SLC16A12: variants seen among roughly 807,000 people sequenced by gnomAD.
SLC16A12 encodes the protein solute carrier family 16 member 12, also known as monocarboxylate transporter 12.
SLC16A12 carries 17 observed loss-of-function variants against 42.4 expected under a neutral mutation model. That is an observed-to-expected ratio of 0.40 (90% CI 0.27 to 0.60). SLC16A12 has a LOEUF of 0.60. Ranked by LOEUF, SLC16A12 falls within the 20% of genes least tolerant of loss-of-function variation. SLC16A12 has a pLI of 0.42. For missense variants in SLC16A12, 544 were observed against 623.0 expected (o/e 0.87, Z 1.35); for synonymous variants, 224 against 229.4 (o/e 0.98, Z 0.21).
At chr10:89,453,172 A>G (rs1842123625) in intron 3 of SLC16A12, among the ~76,000 whole-genome samples, 1 of 152,244 alleles carries the variant, frequency 6.6e-6, no homozygotes, top group Non-Finnish European at 1.5e-5. Context: ...TTGGAGTACT[A>G]AACAGTCACA....
At chr10:89,521,612 G>T (rs1457426602) in intron 2 of SLC16A12, among the ~76,000 whole-genome samples, 1 of 152,124 alleles carries the variant, frequency 6.6e-6, no homozygotes, top group Non-Finnish European at 1.5e-5. Context: ...TCATAACAAA[G>T]CTCCACATCT....
chr10:89,449,930 C>T (rs1419877858), intron 3 of SLC16A12, among the ~76,000 whole-genome samples: 33 of 152,108 alleles, frequency 2.2e-4, no homozygotes, highest in Non-Finnish European at 7.4e-5. Flanking sequence ...TCAAACAACC[C>T]CATCAAAAAG....
Position 89,534,888 on chromosome 10 carries a change from C to T in SLC16A12, c.-186-248G>A, listed in dbSNP as rs140045959. ...TGATGTGTGAAAACGGAAGACTAAC[C>T]AAATAGCCCCAGGACTTACTGAAAT... On this transcript the variant is annotated intron_variant, in intron 1 of 7. Coordinates refer to ENST00000371790, the MANE Select transcript of SLC16A12 (RefSeq NM_213606.4). 2.7e-3 allele frequency among the ~76,000 whole-genome samples: 417 copies of T among 152,002 alleles called. 2 individuals carry two copies. Among genetic ancestry groups the T allele is most frequent in the South Asian group, 9.6e-3 (46 of 4,806 alleles).
chr10:89,554,247 G>A (rs554511900), intron 2 of SLC16A12, among the ~76,000 whole-genome samples: 1 of 152,192 alleles, frequency 6.6e-6, no homozygotes, highest in African/African-American at 2.4e-5. Context: ...GCCTCAGAGA[G>A]TGCCTGCCTC....
upstream of SLC16A12, among the ~76,000 whole-genome samples, chr10:89,536,292 C>T (rs1843661179): frequency 6.6e-6 from 1 of 152,176 alleles, no homozygotes. Context: ...TCCCATTTCA[C>T]AGCACAGGAA....
At chr10:89,521,898 AGTGGTCTTTATTGTATGCC>A (rs1843364324) in intron 2 of SLC16A12, among the ~76,000 whole-genome samples, 1 of 152,224 alleles carries the variant, frequency 6.6e-6, no homozygotes, top group African/African-American at 2.4e-5. Flanking sequence ...GAGATCATCA[AGTGGTCTTTATTGTATGCC>A]GGAAACCAGC....
rs773763687 is a variant in SLC16A12 at position 89,508,373 on chromosome 10, C to T, written c.-47+26128G>A. Reference sequence around the variant, plus strand: ...GTAAAAGAACAGAAATCACAATAAACTGTTTCTCAGACCACAGTGCAATCA... The same window carrying T: ...GTAAAAGAACAGAAATCACAATAAATTGTTTCTCAGACCACAGTGCAATCA... On this transcript the variant is annotated intron_variant, in intron 2 of 7. Coordinates refer to ENST00000371790, the MANE Select transcript of SLC16A12 (RefSeq NM_213606.4). 1.1e-4 allele frequency among the ~76,000 whole-genome samples: 17 copies of T among 152,342 alleles called. No homozygotes were observed. In the South Asian group the frequency reaches 2.7e-3, roughly 24 times the overall value.
chr10:89,491,122 C>A (rs1050319168), intron 2 of SLC16A12, among the ~76,000 whole-genome samples: 3 of 152,238 alleles, frequency 2.0e-5, no homozygotes, highest in South Asian at 2.1e-4. Flanking sequence ...ACCACCCCCA[C>A]TCTCCATGAG....
intron 2 of SLC16A12, among the ~76,000 whole-genome samples, chr10:89,498,097 T>G (rs11185731): frequency 1.3e-5 from 2 of 152,066 alleles, no homozygotes; most frequent in African/African-American, 4.8e-5. Context: ...AGCCCACAAG[T>G]TCAAGACTAG....
chr10:89,504,927 G>A (rs549013381), intron 2 of SLC16A12, among the ~76,000 whole-genome samples: 23 of 152,264 alleles, frequency 1.5e-4, no homozygotes, highest in Admixed American at 2.6e-4. Context: ...TACAGAGTGT[G>A]CCAGGGAGCA....
At chr10:89,547,128 G>A (rs573592812) in intron 2 of SLC16A12, among the ~76,000 whole-genome samples, 5 of 152,162 alleles carry the variant, frequency 3.3e-5, no homozygotes, top group African/African-American at 7.2e-5. Context: ...AAACCTGTAC[G>A]TTCTGCACAT....
At chr10:89,499,988 T>C (rs576823871) in intron 2 of SLC16A12, among the ~76,000 whole-genome samples, 158 of 152,008 alleles carry the variant, frequency 1.0e-3, no homozygotes, top group African/African-American at 3.4e-3. Flanking sequence ...ACTACAGAAA[T>C]ACAAAAGATC....
chr10:89,502,725 G>A (rs373923454), intron 2 of SLC16A12, among the ~76,000 whole-genome samples: 4 of 152,300 alleles, frequency 2.6e-5, no homozygotes, highest in East Asian at 1.9e-4. Context: ...CTTCCATAAG[G>A]AGTGTGCATT....
At chr10:89,474,948 C>T (rs1438995464) in intron 2 of SLC16A12, among the ~76,000 whole-genome samples, 1 of 152,200 alleles carries the variant, frequency 6.6e-6, no homozygotes, top group Non-Finnish European at 1.5e-5. Context: ...TCTCCCTGGC[C>T]TTTAAGCTGC....
chr10:89,443,572 G>A (rs1841951121), intron 4 of SLC16A12, among the ~76,000 whole-genome samples, 184 bp downstream of exon 4: 1 of 152,218 alleles, frequency 6.6e-6, no homozygotes, highest in African/African-American at 2.4e-5. Context: ...TTAATTACAA[G>A]AGCAAGTCTG....
At chr10:89,507,332 G>A (rs894623724) in intron 2 of SLC16A12, among the ~76,000 whole-genome samples, 4 of 152,076 alleles carry the variant, frequency 2.6e-5, no homozygotes, top group Non-Finnish European at 5.9e-5. Context: ...GAGAAAGGTC[G>A]GATTACCCAC....
chr10:89,539,915 T>C (rs1250157804), upstream of SLC16A12, among the ~76,000 whole-genome samples: 1 of 151,118 alleles, frequency 6.6e-6, no homozygotes, highest in African/African-American at 2.4e-5. Context: ...CTTTCTTTTT[T>C]CTTTTTTTCT....
At chr10:89,546,425 A>G (rs1843743094) in intron 2 of SLC16A12, among the ~76,000 whole-genome samples, 1 of 152,248 alleles carries the variant, frequency 6.6e-6, no homozygotes, top group Non-Finnish European at 1.5e-5. Flanking sequence ...CAATAAACAT[A>G]TGAAAAAAGC....
Position 89,553,933 on chromosome 10 carries a change from T to G in SLC16A12, c.-47+1949A>C, listed in dbSNP as rs147401583. ...TAGCTTGAACCCGGGAGGCAGAAGT[T>G]GCAGTGAGTCAAGATCATGCCACTG... On this transcript the variant is annotated intron_variant, in intron 2 of 2. Coordinates refer to the SLC16A12 transcript ENST00000475682. Among the ~76,000 whole-genome samples the G allele has an allele frequency of 1.0e-4, 15 of 150,464 alleles. No individual in the cohort carries two copies. In the East Asian group the frequency reaches 2.9e-3, roughly 29 times the overall value.
Sources: allele counts gnomAD v4.1 joint callset (sites outside exome capture counted in the v4.1 genomes callset), GRCh38; gene constraint gnomAD v4.1.1; transcripts MANE v1.5; gene names NCBI Gene and HGNC (gene_info 2026-07-23, HGNC 2026-07-21).